Variants in NEGR1 observed in about 807,000 individuals in gnomAD.
NEGR1 encodes neuronal growth regulator 1, also known as IgLON family member 4.
Under a neutral mutation model 40.9 loss-of-function variants are expected in NEGR1, and 10 were observed. That is an observed-to-expected ratio of 0.24 (90% CI 0.15 to 0.42). The LOEUF (loss-of-function observed/expected upper bound fraction) is 0.42, where lower values mean the gene tolerates loss of function less well. NEGR1 is among the 10% of genes least tolerant of loss of function. The probability of loss-of-function intolerance (pLI) is 1.00; values close to 1 mark genes in which losing one functional copy is unlikely to be tolerated. For missense variants in NEGR1, 352 were observed against 438.9 expected, an observed-to-expected ratio of 0.80 and a Z score of 1.77; for synonymous variants, 185 against 166.8, an observed-to-expected ratio of 1.11 and a Z score of -0.84.
intron 1 of NEGR1, among the ~76,000 whole-genome samples, chr1:71,953,125 A>G (rs1419705575): frequency 6.6e-6 from 1 of 152,002 alleles, no homozygotes; most frequent in Non-Finnish European, 1.5e-5. Context: ...ATCAAGGAGT[A>G]ATTTCAACTT....
At chr1:71,531,155 GA>G (rs931103086) in intron 6 of NEGR1, among the ~76,000 whole-genome samples, 1 of 151,090 alleles carries the variant, frequency 6.6e-6, no homozygotes, top group African/African-American at 2.4e-5. Flanking sequence ...ATAACATACT[GA>G]AAAAATAATC....
At chr1:72,254,326 C>T (rs930107216) in intron 1 of NEGR1, among the ~76,000 whole-genome samples, 2 of 152,108 alleles carry the variant, frequency 1.3e-5, no homozygotes, top group Non-Finnish European at 2.9e-5. Context: ...GCTTTGCTGC[C>T]TTTGAAGTCA....
chr1:72,035,500 C>T (rs1163071143), intron 1 of NEGR1, among the ~76,000 whole-genome samples: 2 of 152,138 alleles, frequency 1.3e-5, no homozygotes, highest in African/African-American at 4.8e-5. Context: ...CAAACAGCTA[C>T]TAAACATGGC....
intron 6 of NEGR1, among the ~76,000 whole-genome samples, chr1:71,440,218 G>C (rs1170978838): frequency 6.6e-6 from 1 of 152,084 alleles, no homozygotes; most frequent in Non-Finnish European, 1.5e-5. Flanking sequence ...CATTTTGTTA[G>C]TGATGAACAC....
chr1:71,828,811 T>A (rs1170243037), intron 2 of NEGR1, among the ~76,000 whole-genome samples: 1 of 151,938 alleles, frequency 6.6e-6, no homozygotes, highest in Non-Finnish European at 1.5e-5. Context: ...CAGTGTGAGC[T>A]CTGCTCCTTC....
At chr1:71,687,374 A>C (rs1653073537) in intron 4 of NEGR1, among the ~76,000 whole-genome samples, 1 of 152,196 alleles carries the variant, frequency 6.6e-6, no homozygotes, top group African/African-American at 2.4e-5. Context: ...TCTATGAAAT[A>C]CATAAGTGTT....
intron 6 of NEGR1, among the ~76,000 whole-genome samples, chr1:71,440,141 A>C (rs1488668660): frequency 2.6e-5 from 4 of 152,214 alleles, no homozygotes; most frequent in African/African-American, 9.6e-5. Flanking sequence ...AAATGTTTCC[A>C]AATGAATAAA....
chr1:72,087,846 T>C (rs1470535854), intron 1 of NEGR1, among the ~76,000 whole-genome samples: 5 of 151,186 alleles, frequency 3.3e-5, no homozygotes, highest in African/African-American at 1.2e-4. Context: ...TCCTCTTGCC[T>C]TGGCCTCCCA....
chr1:71,997,426 T>C (rs1646514590), intron 1 of NEGR1, among the ~76,000 whole-genome samples: 1 of 152,000 alleles, frequency 6.6e-6, no homozygotes, highest in Non-Finnish European at 1.5e-5. Context: ...AACGTCCAAG[T>C]ACAAATGTTA....
At chr1:71,771,722 A>AAAAAAAAAAAAT (rs1656333440) in intron 3 of NEGR1, among the ~76,000 whole-genome samples, 2 of 148,272 alleles carry the variant, frequency 1.3e-5, no homozygotes, top group East Asian at 2.0e-4. Context: ...AAAAAAAAAA[A>AAAAAAAAAAAAT]GGTGTGAATC....
chr1:71,940,449 G>T (rs543885086), intron 1 of NEGR1, among the ~76,000 whole-genome samples: 3 of 152,216 alleles, frequency 2.0e-5, no homozygotes, highest in African/African-American at 7.2e-5. Flanking sequence ...CAGTCATCTG[G>T]ATATTTTGTG....
At chr1:71,445,729 G>A (rs553340316) in intron 6 of NEGR1, among the ~76,000 whole-genome samples, 14 of 152,282 alleles carry the variant, frequency 9.2e-5, no homozygotes, top group Admixed American at 2.0e-4. Flanking sequence ...GTCTTCTTAC[G>A]TACCAGCAAG....
At chr1:71,622,432 G>T (rs544878675) in intron 4 of NEGR1, among the ~76,000 whole-genome samples, 1 of 151,774 alleles carries the variant, frequency 6.6e-6, no homozygotes, top group Non-Finnish European at 1.5e-5. Flanking sequence ...TATTGAAGGC[G>T]TTATAAACTT....
Position 72,053,217 on chromosome 1 carries a change from A to AT in NEGR1, c.177-117907dup, listed in dbSNP as rs544056469. On this transcript the variant is annotated intron_variant, in intron 1 of 6. Transcript: ENST00000357731. ...TAAACATACCCTTTTCTTTGTTTTGATTTTTTTTTAGGAGCCTGTGTTTGT... is the reference window on the plus strand; with the variant it reads ...TAAACATACCCTTTTCTTTGTTTTGATTTTTTTTTTAGGAGCCTGTGTTTGT... Among the ~76,000 whole-genome samples, 1,035 of 150,162 alleles carry AT rather than the reference A, an allele frequency of 6.9e-3. 16 individuals are homozygous for AT. The highest frequency in any genetic ancestry group is 0.024 in the African/African-American group (976 of 41,082).
At chr1:72,188,882 T>C (rs1439864890) in intron 1 of NEGR1, among the ~76,000 whole-genome samples, 1 of 151,612 alleles carries the variant, frequency 6.6e-6, no homozygotes, top group Non-Finnish European at 1.5e-5. Flanking sequence ...CAGCTCTGGA[T>C]TGCAGATAAA....
At chr1:71,756,407 C>CAAAAAAAAAAAAAAAAAAAAAAA (rs869043335) in intron 3 of NEGR1, among the ~76,000 whole-genome samples, 1 of 45,742 alleles carries the variant, frequency 2.2e-5, no homozygotes, top group African/African-American at 8.5e-5. Flanking sequence ...AAAACAAAAA[C>CAAAAAAAAAAAAAAAAAAAAAAA]AAACAAAAAA....
At chr1:71,982,564 T>C (rs754014872) in intron 1 of NEGR1, among the ~76,000 whole-genome samples, 6 of 152,196 alleles carry the variant, frequency 3.9e-5, no homozygotes, top group Admixed American at 2.6e-4. Context: ...GGCTACTATA[T>C]TATTTCCTTC....
chr1:71,690,591 CACACACACAT>C (rs1236486149), intron 4 of NEGR1, among the ~76,000 whole-genome samples: 1 of 145,504 alleles, frequency 6.9e-6, no homozygotes, highest in African/African-American at 2.5e-5. Flanking sequence ...CACACACACA[CACACACACAT>C]ATATATATAG....
At chr1:71,567,835 G>GT (rs35770023) in intron 6 of NEGR1, among the ~76,000 whole-genome samples, 94,339 of 148,552 alleles carry the variant, frequency 0.64, 29,938 homozygotes, top group Non-Finnish European at 0.68. Flanking sequence ...ATGAGATTTT[G>GT]TTTTTTTTTT....
Sources: gnomAD v4.1 joint callset for allele counts (sites outside exome capture counted in the v4.1 genomes callset) on GRCh38, gnomAD v4.1.1 for gene constraint, MANE v1.5 for transcripts, NCBI Gene and HGNC (gene_info 2026-07-23, HGNC 2026-07-21) for gene names.